ERP29: variants seen among roughly 807,000 people sequenced by gnomAD.
ERP29 encodes endoplasmic reticulum protein 29.
ERP29 carries 14 observed loss-of-function variants against 21.7 expected under a neutral mutation model. The ratio of observed to expected loss-of-function variants is 0.64; its 90% CI spans 0.43 to 1.01. The LOEUF is 1.01. ERP29 is among the 50% of genes least tolerant of loss of function. The pLI, the probability that ERP29 is intolerant of heterozygous loss-of-function variation, is 0.00. For synonymous variants in ERP29, 129 were observed against 139.1 expected, an observed-to-expected ratio of 0.93 and a Z score of 0.51; for missense variants, 286 against 327.3, an observed-to-expected ratio of 0.87 and a Z score of 0.97.
At position 112,022,643 on chromosome 12, in the gene ERP29, G is replaced by T. The variant is rs747076571; in HGVS notation, c.777G>T (p.Glu259Asp). ...TAFQKKGAEKEEL is the reference protein window; with the variant it reads ...TAFQKKGAEKDEL ...TCCAGAAGAAGGGGGCCGAGAAAGA[G>T]GAGCTGTAAAAAGGCTGTCTGTGAT... The change falls in exon 3 of 3, where the codon GAG becomes GAT. Residue 259 changes from glutamate (E) to aspartate (D), a missense_variant. Transcript: ENST00000261735. 6.2e-7 allele frequency: 1 copy of T among 1,607,176 alleles called. No homozygotes were observed.
In ERP29 at chr12:112,019,589, A is replaced by G. The variant is rs915944849; in HGVS notation, c.145-167A>G. ...CCCTGCATGTTGCTGGCACTCACTA[A>G]ATTGTTAAATGAGTCAGTGGGTGAA... On this transcript the variant is annotated intron_variant, in intron 1 of 2. Coordinates refer to ENST00000261735, the MANE Select transcript of ERP29 (RefSeq NM_006817.4). 6.4e-6 allele frequency: 5 copies of G among 775,766 alleles called. No homozygotes were observed. The Middle Eastern group carries it at 6.9e-4, about 107-fold the overall frequency. 48.1% of individuals were successfully genotyped at this position (775,766 alleles called of 1,614,324 possible).
chr12:112,022,879 T>C lies in ERP29; in HGVS notation c.*227T>C, dbSNP rs959119768. The C allele has an allele frequency of 1.8e-6, 1 of 563,356 alleles. No homozygotes were observed. Among genetic ancestry groups the C allele is most frequent in the African/African-American group, 1.9e-5 (1 of 53,258 alleles). 34.9% of individuals were successfully genotyped at this position (563,356 alleles called of 1,614,324 possible). On this transcript the variant is annotated 3_prime_UTR_variant, in exon 3 of 3. Coordinates refer to ENST00000261735, the MANE Select transcript of ERP29 (RefSeq NM_006817.4). ...GCACTTACTCAGGTGGCTGGTGAAATGACACCTCAGAAGGAATGAGTGCTA... is the reference window on the plus strand; with the variant it reads ...GCACTTACTCAGGTGGCTGGTGAAACGACACCTCAGAAGGAATGAGTGCTA...
At chr12:112,018,973 G>A (rs557615200) in intron 1 of ERP29, 1 of 152,232 alleles carries the variant, frequency 6.6e-6, no homozygotes, top group Non-Finnish European at 1.5e-5. Flanking sequence ...TAGATGAGTG[G>A]TTGCTGGGGC....
intron 1 of ERP29, among the ~76,000 whole-genome samples, chr12:112,016,312 G>T (rs906383454): frequency 7.9e-5 from 12 of 152,198 alleles, no homozygotes; most frequent in Non-Finnish European, 1.6e-4. Flanking sequence ...TGGCAGCCTT[G>T]TTCCATGCTT....
Position 112,013,446 on chromosome 12 carries a change from C to G in ERP29, c.-20C>G, listed in dbSNP as rs1031904328. 1.2e-6 allele frequency: 2 copies of G among 1,603,536 alleles called. No homozygotes were observed. The highest frequency in any genetic ancestry group is 1.7e-4 in the Middle Eastern group (1 of 6,002). On this transcript the variant is annotated 5_prime_UTR_variant, in exon 1 of 3. Coordinates refer to ENST00000261735, the MANE Select transcript of ERP29 (RefSeq NM_006817.4). ...TCTCCACTATCGCTTACCTACCTCC[C>G]TCTGCAGGAACCCGGCGATATGGCT...
chr12:112,014,715 G>A (rs2077990691), intron 1 of ERP29: 1 of 152,262 alleles, frequency 6.6e-6, no homozygotes, highest in Non-Finnish European at 1.5e-5. Flanking sequence ...TCCTCTAGGA[G>A]ATGGGCAAGC....
At chr12:112,021,340 C>G (rs1490467858) in intron 2 of ERP29, among the ~76,000 whole-genome samples, 2 of 152,140 alleles carry the variant, frequency 1.3e-5, no homozygotes, top group African/African-American at 4.8e-5. Context: ...CCAGGACATT[C>G]AGGTCCTTTA....
At position 112,022,706 on chromosome 12, in the gene ERP29, A is replaced by G. The variant is rs1276648720; in HGVS notation, c.*54A>G. ...GGTGGGGGTAGGGAGGGGAGAGTTA[A>G]CCTGCTGGCTGTGAGTCCCTTGTGG... is the stretch of plus-strand genomic sequence containing the variant. On this transcript the variant is annotated 3_prime_UTR_variant, in exon 3 of 3. Coordinates refer to ENST00000261735, the MANE Select transcript of ERP29 (RefSeq NM_006817.4). 6.5e-7 allele frequency: 1 copy of G among 1,529,980 alleles called. No homozygotes were observed. The highest frequency in any genetic ancestry group is 1.4e-5 in the African/African-American group (1 of 72,388). 94.8% of individuals were successfully genotyped at this position (1,529,980 alleles called of 1,614,324 possible).
chr12:112,019,921 G>T (rs373383688), intron 2 of ERP29, 27 bp downstream of exon 2: 19 of 1,612,756 alleles, frequency 1.2e-5, no homozygotes, highest in Admixed American at 6.7e-5. Flanking sequence ...GACGGCTGGG[G>T]GGGCAGAGAG....
chr12:112,016,408 A>G (rs1234869112), intron 1 of ERP29, among the ~76,000 whole-genome samples: 2 of 152,180 alleles, frequency 1.3e-5, no homozygotes, highest in African/African-American at 4.8e-5. Context: ...GAGCTAAGAG[A>G]TGCCATTTTG....
chr12:112,013,641 G>A, intron 1 of ERP29, 32 bp downstream of exon 1: 1 of 1,505,860 alleles, frequency 6.6e-7, no homozygotes, highest in Admixed American at 2.4e-5. Context: ...GCGCGCAGGT[G>A]CCGCCGGGGC....
chr12:112,022,003 A>G (rs907459406), intron 2 of ERP29, 147 bp from the exon 3 acceptor site: 1 of 701,880 alleles, frequency 1.4e-6, no homozygotes, highest in African/African-American at 1.8e-5. Flanking sequence ...GAGGAATTCA[A>G]ACACAGGTCT....
At chr12:112,016,100 C>T (rs2078010535) in intron 1 of ERP29, among the ~76,000 whole-genome samples, 1 of 152,244 alleles carries the variant, frequency 6.6e-6, no homozygotes, top group Non-Finnish European at 1.5e-5. Flanking sequence ...CTTTCTCTCT[C>T]ACTGGAATAT....
intron 1 of ERP29, among the ~76,000 whole-genome samples, chr12:112,016,515 AAAG>A (rs1307748539): frequency 1.3e-4 from 20 of 152,226 alleles, no homozygotes; most frequent in African/African-American, 4.8e-4. Flanking sequence ...TCTATACTTT[AAAG>A]AAGTGAGTTG....
In ERP29 at chr12:112,022,389, GA is replaced by G; in HGVS notation, c.524del (p.Glu175GlyfsTer7). ...AGEFIRASGV[E>X]ARQALLKQGQ... ...GGAGTTCATCAGGGCCTCTGGTGTGGAGGCCCGCCAGGCCCTCTTGAAGCAG... is the reference window on the plus strand; with the variant it reads ...GGAGTTCATCAGGGCCTCTGGTGTGGGGCCCGCCAGGCCCTCTTGAAGCAG... On this transcript the variant is annotated frameshift_variant, in exon 3 of 3. Coordinates refer to ENST00000261735, the MANE Select transcript of ERP29 (RefSeq NM_006817.4). LOFTEE classifies it high-confidence loss of function. The G allele has an allele frequency of 6.2e-7, 1 of 1,614,198 alleles. No homozygotes were observed. Among genetic ancestry groups the G allele is most frequent in the Non-Finnish European group, 8.5e-7 (1 of 1,180,030 alleles).
At chr12:112,020,897 T>G (rs1324763292) in intron 2 of ERP29, among the ~76,000 whole-genome samples, 3 of 152,182 alleles carry the variant, frequency 2.0e-5, no homozygotes, top group Non-Finnish European at 4.4e-5. Context: ...TTAGAGTAAC[T>G]TGCTCAAGAT....
At chr12:112,017,783 C>CTTTTTTTTTTTT (rs1179680378) in intron 1 of ERP29, among the ~76,000 whole-genome samples, 2 of 124,136 alleles carry the variant, frequency 1.6e-5, no homozygotes, top group African/African-American at 3.2e-5. Context: ...CTTTTTTTTT[C>CTTTTTTTTTTTT]TTTTTTTTTT....
At chr12:112,013,630 C>T (rs2136772033) in intron 1 of ERP29, 21 bp downstream of exon 1, 4 of 1,524,230 alleles carry the variant, frequency 2.6e-6, no homozygotes, top group Non-Finnish European at 3.5e-6. Context: ...CGGGGGACGT[C>T]GCGCGCAGGT....
At chr12:112,020,030 C>A in intron 2 of ERP29, 136 bp downstream of exon 2, 1 of 1,083,682 alleles carries the variant, frequency 9.2e-7, no homozygotes, top group South Asian at 1.5e-5. Flanking sequence ...GGTTCATGGT[C>A]TCTAAAGGAA....
Sources: gnomAD v4.1 joint callset for allele counts (sites outside exome capture counted in the v4.1 genomes callset) on GRCh38, gnomAD v4.1.1 for gene constraint, MANE v1.5 for transcripts, NCBI Gene and HGNC (gene_info 2026-07-23, HGNC 2026-07-21) for gene names.